HSF2: variants seen among roughly 807,000 people sequenced by gnomAD.
HSF2 encodes heat shock factor protein 2.
HSF2 carries 21 observed loss-of-function variants against 65.0 expected under a neutral mutation model. That is an observed-to-expected ratio of 0.32 (90% CI 0.23 to 0.47). HSF2 has a LOEUF of 0.47. HSF2 is among the 20% of genes least tolerant of loss of function. HSF2 has a pLI of 1.00. For synonymous variants in HSF2, 225 were observed against 219.1 expected, an observed-to-expected ratio of 1.03 and a Z score of -0.24; for missense variants, 499 against 628.1, an observed-to-expected ratio of 0.79 and a Z score of 2.20.
intron 1 of HSF2, among the ~76,000 whole-genome samples, chr6:122,410,688 T>C (rs1773969846): frequency 6.6e-6 from 1 of 151,944 alleles, no homozygotes; most frequent in African/African-American, 2.4e-5. Flanking sequence ...GTGACTGGCT[T>C]ATTTCACAGC....
intron 10 of HSF2, 24 bp from the exon 11 acceptor site, chr6:122,427,879 C>T (rs200843607): frequency 1.2e-4 from 187 of 1,552,904 alleles, no homozygotes; most frequent in Non-Finnish European, 1.5e-4. Flanking sequence ...TTAAACTTAT[C>T]ATCTTTCTTG....
At chr6:122,409,118 A>G (rs1330065213) in intron 1 of HSF2, among the ~76,000 whole-genome samples, 1 of 152,098 alleles carries the variant, frequency 6.6e-6, no homozygotes, top group African/African-American at 2.4e-5. Flanking sequence ...TAAGGAAAGA[A>G]TATGAATGGT....
Position 122,420,373 on chromosome 6 carries a change from C to T in HSF2, c.681+151C>T, listed in dbSNP as rs562107045. The T allele has an allele frequency of 1.1e-4, 66 of 580,268 alleles. 1 individual carries two copies. In the East Asian group the frequency reaches 1.8e-3, roughly 16 times the overall value. The allele number at this position is 580,268 out of a possible 1,614,324, so 35.9% of individuals were successfully genotyped here. On this transcript the variant is annotated intron_variant, in intron 7 of 12. Transcript: ENST00000368455. ...AAATTGTGACATTTTTTATTATTTG[C>T]TTTAGATTATTGTAAGAAATAAATC...
chr6:122,413,777 G>T, intron 4 of HSF2, 128 bp downstream of exon 4: 2 of 777,814 alleles, frequency 2.6e-6, no homozygotes, highest in Non-Finnish European at 4.2e-6. Flanking sequence ...CAAGATCAAA[G>T]GTCATTTTTC....
intron 1 of HSF2, among the ~76,000 whole-genome samples, chr6:122,401,811 A>G (rs1414316326): frequency 6.6e-6 from 1 of 152,172 alleles, no homozygotes; most frequent in East Asian, 1.9e-4. Flanking sequence ...AGATAAAATT[A>G]TATTTGAAAT....
intron 5 of HSF2, among the ~76,000 whole-genome samples, chr6:122,416,791 C>G (rs1356468583): frequency 6.6e-6 from 1 of 152,128 alleles, no homozygotes; most frequent in Non-Finnish European, 1.5e-5. Context: ...AAGCAGTTAA[C>G]ATAGTGTTGT....
Position 122,422,919 on chromosome 6 carries a change from G to C in HSF2, c.1032G>C (p.Met344Ile). ...SLTSEDPVTM[M>I]DSILNDNINL... ...CCTCAGAAGATCCAGTGACCATGAT[G>C]GATTCCATTTTGAATGATAACATCA... Residue 344 changes from methionine (M) to isoleucine (I), a missense_variant, in exon 9 of 13, where the codon ATG becomes ATC. This residue lies in a region of HSF2 where 349 missense variants were observed against 393.5 expected (regional missense o/e 0.89). Coordinates refer to ENST00000368455, the MANE Select transcript of HSF2 (RefSeq NM_004506.4). 6.2e-7 allele frequency: 1 copy of C among 1,613,510 alleles called. No individual in the cohort carries two copies. Among genetic ancestry groups the C allele is most frequent in the South Asian group, 1.1e-5 (1 of 91,080 alleles).
At position 122,422,776 on chromosome 6, in the gene HSF2, C is replaced by T. The variant is rs1343977853; in HGVS notation, c.889C>T (p.Pro297Ser). The T allele has an allele frequency of 1.2e-6, 2 of 1,612,970 alleles. No homozygotes were observed. Among genetic ancestry groups the T allele is most frequent in the Non-Finnish European group, 1.7e-6 (2 of 1,179,258 alleles). ...AGATGACAATGAAGATGAGTATGCACCTGTCATTCAGAGTGGAGAGCAGAA... is the reference window on the plus strand; with the variant it reads ...AGATGACAATGAAGATGAGTATGCATCTGTCATTCAGAGTGGAGAGCAGAA... ...VEDDNEDEYA[P>S]VIQSGEQNEP... is the part of the protein sequence containing the mutation. Residue 297 changes from proline (P) to serine (S), a missense_variant, in exon 9 of 13, where the codon CCT (proline) becomes TCT (serine). Around this residue, in one of 2 missense-constraint regions of HSF2, gnomAD observed 349 missense variants for 393.5 expected, o/e 0.89. Transcript: ENST00000368455.
At chr6:122,430,974 G>A (rs1317015965) in intron 11 of HSF2, among the ~76,000 whole-genome samples, 5 of 152,090 alleles carry the variant, frequency 3.3e-5, no homozygotes, top group Admixed American at 3.3e-4. Context: ...ATGTCATCCT[G>A]AGCTACTCTA....
At position 122,423,465 on chromosome 6, in the gene HSF2, C is replaced by T. The variant is rs11970416; in HGVS notation, c.1071-116C>T. ...AATAAGATCTCTTAAGATTAAGAAC[C>T]GGTAAGGATGCAGCAGCTGCTAGAA... On this transcript the variant is annotated intron_variant, in intron 9 of 12. Transcript: ENST00000368455. 2.7e-3 allele frequency: 1,364 copies of T among 504,730 alleles called. 5 individuals carry two copies. The highest frequency in any genetic ancestry group is 4.3e-3 in the Middle Eastern group (8 of 1,880). 31.3% of individuals were successfully genotyped at this position (504,730 alleles called of 1,614,324 possible). A position where few individuals can be genotyped will look rare whatever the true frequency, so the allele number is the denominator to read the frequency against.
intron 7 of HSF2, among the ~76,000 whole-genome samples, chr6:122,421,439 G>GTAAGTGGATGAAGATTTTTATATTT (rs45442299): frequency 0.11 from 16,986 of 151,468 alleles, 1,091 homozygotes; most frequent in Middle Eastern, 0.21. Context: ...GAAGGCTCAT[G>GTAAGTGGATGAAGATTTTTATATTT]TAAGTGGATG....
rs1774183270 is a variant in HSF2 at position 122,419,222 on chromosome 6, C to T, written c.586C>T (p.Arg196Cys). Reference protein sequence around the residue: ...VQNNQLVSLKRKRPLLLNTNG... With the variant: ...VQNNQLVSLKCKRPLLLNTNG... The stretch of plus-strand genomic sequence containing the variant: ...AAATAACCAACTTGTGAGTTTAAAA[C>T]GTAAAAGGTAAGTTTTTATGATAAA... Residue 196 changes from arginine to cysteine, a missense_variant, in exon 6 of 13, where the codon CGT (arginine) becomes TGT (cysteine). This residue lies in a region of HSF2 where 150 missense variants were observed against 234.6 expected (regional missense o/e 0.64). Coordinates refer to ENST00000368455, the MANE Select transcript of HSF2 (RefSeq NM_004506.4). 3 of 1,475,526 alleles carry T rather than the reference C, an allele frequency of 2.0e-6. No individual in the cohort carries two copies. The highest frequency in any genetic ancestry group is 1.9e-6 in the Non-Finnish European group (2 of 1,060,930). 91.4% of individuals were successfully genotyped at this position (1,475,526 alleles called of 1,614,324 possible). A position where few individuals can be genotyped will look rare whatever the true frequency, so the allele number is the denominator to read the frequency against.
chr6:122,414,146 A>G (rs1464174645), intron 4 of HSF2, among the ~76,000 whole-genome samples: 2 of 152,198 alleles, frequency 1.3e-5, no homozygotes, highest in African/African-American at 4.8e-5. Context: ...CTTATTTCGT[A>G]TAGACTTGGA....
At chr6:122,416,330 CATTTG>C (rs1476370195) in intron 5 of HSF2, 34 bp downstream of exon 5, 1 of 1,475,658 alleles carries the variant, frequency 6.8e-7, no homozygotes, top group Non-Finnish European at 9.5e-7. Context: ...CCATAATTTG[CATTTG>C]TTTAATGAGT....
rs376236589 is a variant in HSF2, at chr6:122,399,688, C to T, written c.-50C>T. The T allele has an allele frequency of 5.6e-4, 848 of 1,524,920 alleles. 10 individuals are homozygous for T. In the Middle Eastern group the frequency reaches 6.1e-3, roughly 11 times the overall value. The allele number at this position is 1,524,920 out of a possible 1,614,324, so 94.5% of individuals were successfully genotyped here. A position where few individuals can be genotyped will look rare whatever the true frequency, so the allele number is the denominator to read the frequency against. ...GCTGCTGCCGTAGCTGCCGCCGCCG[C>T]TACCACCGCGTTCGGGTGTAGAATT... On this transcript the variant is annotated 5_prime_UTR_variant, in exon 1 of 13. Transcript: ENST00000368455.
intron 5 of HSF2, among the ~76,000 whole-genome samples, chr6:122,418,746 A>G (rs1774174705): frequency 6.6e-6 from 1 of 152,156 alleles, no homozygotes; most frequent in Non-Finnish European, 1.5e-5. Flanking sequence ...TGTTGGGATT[A>G]CAGGCATGAG....
intron 11 of HSF2, among the ~76,000 whole-genome samples, chr6:122,430,061 T>G (rs1219193707): frequency 6.6e-6 from 1 of 152,214 alleles, no homozygotes; most frequent in Non-Finnish European, 1.5e-5. Context: ...TTCTGTTGTT[T>G]GGAATAGTTT....
Position 122,423,698 on chromosome 6 carries a change from G to A in HSF2, c.1176+12G>A. 6.7e-7 allele frequency: 1 copy of A among 1,495,522 alleles called. No homozygotes were observed. Among genetic ancestry groups the A allele is most frequent in the Non-Finnish European group, 9.3e-7 (1 of 1,077,844 alleles). 92.6% of individuals were successfully genotyped at this position (1,495,522 alleles called of 1,614,324 possible). A position where few individuals can be genotyped will look rare whatever the true frequency, so the allele number is the denominator to read the frequency against. On this transcript the variant is annotated intron_variant, in intron 10 of 12. Transcript: ENST00000368455. ...ATCTCCTGGTTGATGTAGGTACTTTGGGTAATCTTTGCTATACTGGTAGTT... is the reference window on the plus strand; with the variant it reads ...ATCTCCTGGTTGATGTAGGTACTTTAGGTAATCTTTGCTATACTGGTAGTT...
intron 3 of HSF2, 66 bp downstream of exon 3, chr6:122,412,830 T>A: frequency 6.8e-7 from 1 of 1,472,814 alleles, no homozygotes; most frequent in East Asian, 2.3e-5. Flanking sequence ...AAGATTTTTA[T>A]TTCAGCTGTT....
Sources: allele counts gnomAD v4.1 joint callset (sites outside exome capture counted in the v4.1 genomes callset), GRCh38; gene constraint gnomAD v4.1.1; regional missense constraint gnomAD v4.1.1; transcripts MANE v1.5; gene names NCBI Gene and HGNC (gene_info 2026-07-23, HGNC 2026-07-21).